Variants in CRIM1 observed in about 807,000 individuals in gnomAD.
CRIM1 encodes cysteine rich transmembrane BMP regulator 1.
A neutral mutation model predicts 116.4 loss-of-function variants in CRIM1; 32 were observed. The observed-to-expected ratio is 0.27, with a 90% CI of 0.21 to 0.37. The LOEUF (loss-of-function observed/expected upper bound fraction) is 0.37, where lower values mean the gene tolerates loss of function less well. Among genes scored for constraint, CRIM1 ranks in the 10% least tolerant of loss-of-function variants. CRIM1 has a pLI of 1.00. For missense variants in CRIM1, 1,331 were observed against 1,354.8 expected (o/e 0.98, Z 0.28); for synonymous variants, 590 against 509.2 (o/e 1.16, Z -2.13).
At chr2:36,503,045 C>G (rs1681112430) in intron 8 of CRIM1, among the ~76,000 whole-genome samples, 1 of 152,232 alleles carries the variant, frequency 6.6e-6, no homozygotes, top group African/African-American at 2.4e-5. Context: ...TCTAGACATA[C>G]AGCATTCTGC....
At chr2:36,536,759 TACAG>T (rs1481046502) in intron 13 of CRIM1, among the ~76,000 whole-genome samples, 2 of 152,108 alleles carry the variant, frequency 1.3e-5, no homozygotes, top group African/African-American at 4.8e-5. Context: ...GTATATACTG[TACAG>T]ACAAATAGCT....
intron 1 of CRIM1, among the ~76,000 whole-genome samples, chr2:36,390,112 G>A (rs1337223604): frequency 6.6e-6 from 1 of 152,108 alleles, no homozygotes; most frequent in Non-Finnish European, 1.5e-5. Flanking sequence ...AATATTGAAA[G>A]ATATTCTTAG....
chr2:36,469,254 C>G (rs1367049813), intron 5 of CRIM1, among the ~76,000 whole-genome samples: 1 of 152,136 alleles, frequency 6.6e-6, no homozygotes, highest in African/African-American at 2.4e-5. Context: ...CCAAAAGCAA[C>G]TTCAGGGGGT....
chr2:36,523,881 C>G (rs1214772924), intron 13 of CRIM1, among the ~76,000 whole-genome samples: 1 of 152,154 alleles, frequency 6.6e-6, no homozygotes, highest in East Asian at 1.9e-4. Flanking sequence ...CAGGGCCACT[C>G]TGAGTCTTTT....
At chr2:36,421,372 A>T (rs752306689) in intron 2 of CRIM1, among the ~76,000 whole-genome samples, 1 of 152,230 alleles carries the variant, frequency 6.6e-6, no homozygotes, top group East Asian at 1.9e-4. Context: ...CACTATTACA[A>T]TTAATCTTTA....
chr2:36,545,286 C>G (rs1392148249), intron 15 of CRIM1, among the ~76,000 whole-genome samples: 1 of 152,124 alleles, frequency 6.6e-6, no homozygotes, highest in Non-Finnish European at 1.5e-5. Context: ...AACCAGATGA[C>G]CAGAAAGTCA....
chr2:36,495,492 T>A (rs866948703), intron 7 of CRIM1, among the ~76,000 whole-genome samples: 3,416 of 149,878 alleles, frequency 0.023, 139 homozygotes, highest in African/African-American at 0.076. Context: ...TTTTTTTTTT[T>A]TTTTGGATGA....
At chr2:36,523,742 TG>T (rs1665572252) in intron 13 of CRIM1, among the ~76,000 whole-genome samples, 2 of 152,212 alleles carry the variant, frequency 1.3e-5, no homozygotes. Flanking sequence ...GAGTGATAGA[TG>T]GGGAATAAAG....
At chr2:36,480,976 G>C (rs1350377450) in intron 7 of CRIM1, among the ~76,000 whole-genome samples, 1 of 152,200 alleles carries the variant, frequency 6.6e-6, no homozygotes, top group African/African-American at 2.4e-5. Context: ...AGCAGATGAA[G>C]ATAAGAATGT....
chr2:36,496,154 T>A (rs1037337767), intron 7 of CRIM1, among the ~76,000 whole-genome samples: 5 of 152,192 alleles, frequency 3.3e-5, no homozygotes, highest in African/African-American at 1.2e-4. Context: ...AAAAAAACTT[T>A]AAAATTTGTT....
chr2:36,512,231 C>T (rs775814268), intron 9 of CRIM1, 42 bp from the exon 10 acceptor site: 1 of 1,601,102 alleles, frequency 6.2e-7, no homozygotes, highest in South Asian at 1.1e-5. Flanking sequence ...TCATTTGAGA[C>T]TTTGTGATTT....
chr2:36,526,248 C>G (rs1372101375), intron 13 of CRIM1, among the ~76,000 whole-genome samples: 1 of 151,908 alleles, frequency 6.6e-6, no homozygotes, highest in East Asian at 1.9e-4. Context: ...CATAAGCTGA[C>G]TATAATGAAG....
At chr2:36,376,390 A>C (rs1254845312) in intron 1 of CRIM1, among the ~76,000 whole-genome samples, 1 of 152,214 alleles carries the variant, frequency 6.6e-6, no homozygotes, top group Non-Finnish European at 1.5e-5. Flanking sequence ...GAGAATGTTT[A>C]AACAGTAGGC....
chr2:36,386,225 CGT>C (rs1671155288), intron 1 of CRIM1, among the ~76,000 whole-genome samples: 1 of 152,130 alleles, frequency 6.6e-6, no homozygotes, highest in Admixed American at 6.5e-5. Flanking sequence ...GAAGCATTAA[CGT>C]GTGTCACATT....
intron 8 of CRIM1, among the ~76,000 whole-genome samples, chr2:36,509,055 G>GA (rs901026629): frequency 1.3e-5 from 2 of 152,070 alleles, no homozygotes; most frequent in African/African-American, 2.4e-5. Flanking sequence ...AGCACATAGA[G>GA]AAAAAACATA....
chr2:36,424,475 G>C (rs995364092), intron 2 of CRIM1, among the ~76,000 whole-genome samples: 1 of 152,156 alleles, frequency 6.6e-6, no homozygotes, highest in African/African-American at 2.4e-5. Context: ...AGCATTGTAG[G>C]AGATGGACAT....
intron 5 of CRIM1, among the ~76,000 whole-genome samples, chr2:36,473,139 ATAAAT>A (rs1678668482): frequency 6.6e-6 from 1 of 152,200 alleles, no homozygotes; most frequent in African/African-American, 2.4e-5. Flanking sequence ...TTGTTATAAA[ATAAAT>A]ATAAAGTAAT....
chr2:36,475,046 T>C (rs1248022657), intron 5 of CRIM1, among the ~76,000 whole-genome samples: 1 of 152,164 alleles, frequency 6.6e-6, no homozygotes, highest in African/African-American at 2.4e-5. Flanking sequence ...TCTCTAACTT[T>C]GTTCTCCCTT....
At chr2:36,404,445 C>G (rs1435171037) in intron 2 of CRIM1, among the ~76,000 whole-genome samples, 1 of 152,154 alleles carries the variant, frequency 6.6e-6, no homozygotes, top group East Asian at 1.9e-4. Flanking sequence ...CTCTTTCAGT[C>G]CAGAAGGTAC....
Sources: gnomAD v4.1 joint callset for allele counts (sites outside exome capture counted in the v4.1 genomes callset) on GRCh38, gnomAD v4.1.1 for gene constraint, MANE v1.5 for transcripts, NCBI Gene and HGNC (gene_info 2026-07-23, HGNC 2026-07-21) for gene names.